Variants in NALF1 observed in about 807,000 individuals in gnomAD.
The protein encoded by NALF1 is NALCN channel auxiliary factor 1, also known as family with sequence similarity 155 member A.
NALF1 carries 3 observed loss-of-function variants against 48.4 expected under a neutral mutation model. The observed-to-expected ratio is 0.06, with a 90% CI of 0.03 to 0.16. The LOEUF is 0.16. NALF1 is among the 10% of genes least tolerant of loss of function. The pLI, the probability that NALF1 is intolerant of heterozygous loss-of-function variation, is 1.00. For missense variants in NALF1, 526 were observed against 571.5 expected (o/e 0.92, Z 0.81); for synonymous variants, 262 against 245.7 (o/e 1.07, Z -0.62).
intron 1 of NALF1, among the ~76,000 whole-genome samples, chr13:107,498,721 G>T (rs1041315498): frequency 6.6e-6 from 1 of 152,124 alleles, no homozygotes; most frequent in Non-Finnish European, 1.5e-5. Flanking sequence ...GTAGGAGTTT[G>T]AATTTTATTC....
At chr13:107,273,277 C>T (rs1016999688) in intron 1 of NALF1, among the ~76,000 whole-genome samples, 4 of 152,172 alleles carry the variant, frequency 2.6e-5, no homozygotes, top group Admixed American at 6.5e-5. Flanking sequence ...TTTCTCCACA[C>T]TGTGTATTCT....
At chr13:107,715,830 GA>G (rs1875799344) in intron 1 of NALF1, among the ~76,000 whole-genome samples, 1 of 151,994 alleles carries the variant, frequency 6.6e-6, no homozygotes, top group Non-Finnish European at 1.5e-5. Flanking sequence ...ACCTTTTTTT[GA>G]AATGTTTTTA....
In NALF1 at chr13:107,758,637, C is replaced by T. The variant is rs969039655; in HGVS notation, c.915+107045G>A. ...TCGGGAGGCTGACACAGGAGAATGG[C>T]GTGAACCCGGGAGATGGAGCTGGTA... On this transcript the variant is annotated intron_variant, in intron 1 of 2. Transcript: ENST00000375915. 9.2e-5 allele frequency among the ~76,000 whole-genome samples: 14 copies of T among 152,140 alleles called. 1 individual carries two copies. Among genetic ancestry groups the T allele is most frequent in the Admixed American group, 7.2e-4 (11 of 15,280 alleles).
intron 1 of NALF1, among the ~76,000 whole-genome samples, chr13:107,422,747 G>C (rs754926349): frequency 4.6e-5 from 7 of 152,092 alleles, no homozygotes; most frequent in Non-Finnish European, 8.8e-5. Flanking sequence ...TTGAGATAGA[G>C]AAATTATCCT....
intron 1 of NALF1, among the ~76,000 whole-genome samples, chr13:107,766,741 A>G (rs1877428153): frequency 6.6e-6 from 1 of 152,208 alleles, no homozygotes; most frequent in Admixed American, 6.5e-5. Context: ...AACAAATTCA[A>G]AGCAAGAAAA....
At chr13:107,206,663 G>A (rs7322582) in intron 2 of NALF1, among the ~76,000 whole-genome samples, 121,568 of 152,054 alleles carry the variant, frequency 0.8, 48,808 homozygotes, top group East Asian at 0.89. Context: ...ATAGCCAATA[G>A]GACAATGACA....
chr13:107,575,977 CAT>C (rs1458606815), intron 1 of NALF1, among the ~76,000 whole-genome samples: 6 of 128,554 alleles, frequency 4.7e-5, no homozygotes, highest in Non-Finnish European at 7.1e-5. Context: ...TGTGTGTGTG[CAT>C]ATGTGTGTGT....
At chr13:107,257,910 C>G (rs1449259515) in intron 1 of NALF1, among the ~76,000 whole-genome samples, 2 of 152,190 alleles carry the variant, frequency 1.3e-5, no homozygotes, top group Admixed American at 6.5e-5. Flanking sequence ...GCAACTCATG[C>G]TTCGCTAGAA....
At chr13:107,700,331 GA>G (rs1012046620) in intron 1 of NALF1, among the ~76,000 whole-genome samples, 11 of 151,980 alleles carry the variant, frequency 7.2e-5, no homozygotes, top group Non-Finnish European at 1.5e-4. Flanking sequence ...ACAGAACAGA[GA>G]GTCCAGAAAT....
chr13:107,489,455 G>C (rs1184490978), intron 1 of NALF1, among the ~76,000 whole-genome samples: 1 of 152,040 alleles, frequency 6.6e-6, no homozygotes, highest in Non-Finnish European at 1.5e-5. Flanking sequence ...ACAGAACAGA[G>C]AACCCAGAAA....
intron 1 of NALF1, among the ~76,000 whole-genome samples, chr13:107,530,017 C>G (rs1467855530): frequency 6.6e-6 from 1 of 152,060 alleles, no homozygotes; most frequent in Non-Finnish European, 1.5e-5. Flanking sequence ...GAATAAGAAG[C>G]AAGGGTTCTA....
chr13:107,604,623 T>C (rs1000972256), intron 1 of NALF1, among the ~76,000 whole-genome samples: 18 of 152,160 alleles, frequency 1.2e-4, no homozygotes, highest in African/African-American at 3.9e-4. Context: ...GAATTAAACA[T>C]GATATGAAAG....
At chr13:107,782,226 G>A (rs977286306) in intron 1 of NALF1, among the ~76,000 whole-genome samples, 1 of 152,206 alleles carries the variant, frequency 6.6e-6, no homozygotes, top group Non-Finnish European at 1.5e-5. Flanking sequence ...ACTGGTTTTC[G>A]TATTTTTTGG....
intron 1 of NALF1, among the ~76,000 whole-genome samples, chr13:107,361,717 C>T (rs926896492): frequency 8.5e-5 from 13 of 152,112 alleles, no homozygotes; most frequent in South Asian, 2.1e-4. Context: ...TTAAATCACA[C>T]GGTAACCAAA....
At chr13:107,538,029 C>T (rs979181265) in intron 1 of NALF1, among the ~76,000 whole-genome samples, 1 of 151,996 alleles carries the variant, frequency 6.6e-6, no homozygotes, top group African/African-American at 2.4e-5. Flanking sequence ...ACAACAACAA[C>T]AACCACCATC....
At chr13:107,555,263 TAA>T (rs1877426591) in intron 1 of NALF1, among the ~76,000 whole-genome samples, 2 of 131,198 alleles carry the variant, frequency 1.5e-5, no homozygotes, top group South Asian at 2.2e-4. Flanking sequence ...GATTTATTAT[TAA>T]TTAATTAATT....
At chr13:107,774,836 C>T (rs1877679899) in intron 1 of NALF1, among the ~76,000 whole-genome samples, 1 of 152,074 alleles carries the variant, frequency 6.6e-6, no homozygotes, top group Non-Finnish European at 1.5e-5. Flanking sequence ...AATCTCAGCT[C>T]TTATGGTTCT....
Position 107,165,419 on chromosome 13 carries a change from T to A in NALF1, c.*5078A>T, listed in dbSNP as rs1878638503. The stretch of plus-strand genomic sequence containing the variant: ...AATTTGTAATCAGAAGATGCTTGAG[T>A]TCCATCATTTGCATTACCTACCTGT... On this transcript the variant is annotated 3_prime_UTR_variant, in exon 3 of 3. Coordinates refer to ENST00000375915, the MANE Select transcript of NALF1 (RefSeq NM_001080396.3). 6.6e-6 allele frequency: 1 copy of A among 152,144 alleles called. No individual in the cohort carries two copies. The highest frequency in any genetic ancestry group is 2.4e-5 in the African/African-American group (1 of 41,434). 9.4% of individuals were successfully genotyped at this position (152,144 alleles called of 1,614,324 possible).
rs189980420 is a variant in NALF1 at position 107,548,816 on chromosome 13, G to A, written c.915+316866C>T. 1.7e-4 allele frequency among the ~76,000 whole-genome samples: 26 copies of A among 151,294 alleles called. No homozygotes were observed. In the East Asian group the frequency reaches 2.5e-3, roughly 15 times the overall value. On this transcript the variant is annotated intron_variant, in intron 1 of 2. Transcript: ENST00000375915. ...GGAATATCTAGCCATACACACACAC[G>A]TGTGTGTGTGTGTTTGTATTATACA...
Sources: gnomAD v4.1 joint callset for allele counts (sites outside exome capture counted in the v4.1 genomes callset) on GRCh38, gnomAD v4.1.1 for gene constraint, MANE v1.5 for transcripts, NCBI Gene and HGNC (gene_info 2026-07-23, HGNC 2026-07-21) for gene names.